MED13L: variants seen among roughly 807,000 people sequenced by gnomAD.
MED13L encodes mediator of RNA polymerase II transcription subunit 13-like.
MED13L carries 7 observed loss-of-function variants against 220.9 expected under a neutral mutation model. The observed-to-expected ratio is 0.03, with a 90% CI of 0.02 to 0.06. The LOEUF is 0.06. MED13L is among the 10% of genes least tolerant of loss of function. The pLI, the probability that MED13L is intolerant of heterozygous loss-of-function variation, is 1.00. For synonymous variants in MED13L, 1,011 were observed against 1,015.2 expected, an observed-to-expected ratio of 1.00 and a Z score of 0.08; for missense variants, 1,965 against 2,760.5, an observed-to-expected ratio of 0.71 and a Z score of 6.46.
intron 1 of MED13L, chr12:116,276,299 T>G: frequency 6.5e-6 from 3 of 460,142 alleles, no homozygotes; most frequent in South Asian, 2.5e-5. Flanking sequence ...ACCGACCAGC[T>G]TGTTGCTTTT....
intron 2 of MED13L, among the ~76,000 whole-genome samples, chr12:116,164,394 A>T (rs1246029408): frequency 6.6e-6 from 1 of 152,220 alleles, no homozygotes; most frequent in Non-Finnish European, 1.5e-5. Context: ...ACCAACAACA[A>T]AAAAGGAGAC....
At position 116,276,538 on chromosome 12, in the gene MED13L, T is replaced by C. The variant is rs1873853349; in HGVS notation, c.72+522A>G. On this transcript the variant is annotated intron_variant, in intron 1 of 30. Coordinates refer to ENST00000281928, the MANE Select transcript of MED13L (RefSeq NM_015335.5). Reference sequence around the variant, plus strand: ...GCGGGAGCTTCGGGTGCAAGAGTCCTTTCCTGACACAATCGCATTCAATCA... The same window carrying C: ...GCGGGAGCTTCGGGTGCAAGAGTCCCTTCCTGACACAATCGCATTCAATCA... 3.1e-6 allele frequency: 4 copies of C among 1,269,870 alleles called. No individual in the cohort carries two copies. In the Admixed American group the frequency reaches 1.1e-4, roughly 34 times the overall value. 78.7% of individuals were successfully genotyped at this position (1,269,870 alleles called of 1,614,324 possible). A position where few individuals can be genotyped will look rare whatever the true frequency, so the allele number is the denominator to read the frequency against.
chr12:115,963,834 T>C (rs1223955964), intron 29 of MED13L, among the ~76,000 whole-genome samples: 1 of 152,216 alleles, frequency 6.6e-6, no homozygotes, highest in Non-Finnish European at 1.5e-5. Context: ...TGAATTGATA[T>C]CGCCAAGATG....
intron 4 of MED13L, among the ~76,000 whole-genome samples, chr12:116,074,168 G>A (rs1402198573): frequency 3.3e-5 from 5 of 152,246 alleles, no homozygotes; most frequent in Non-Finnish European, 7.3e-5. Flanking sequence ...ACCAAGGCAA[G>A]TGGATCAGGA....
In MED13L at chr12:115,978,277, T is replaced by C. The variant is rs537571647; in HGVS notation, c.5364+2473A>G. 7.2e-5 allele frequency among the ~76,000 whole-genome samples: 11 copies of C among 151,996 alleles called. No homozygotes were observed. The East Asian group carries it at 1.9e-3, about 27-fold the overall frequency. The stretch of plus-strand genomic sequence containing the variant: ...TAAAATTAGATAGTAGTGAAGACTG[T>C]ACAACTGTGTGGAAATACTAAAAAC... On this transcript the variant is annotated intron_variant, in intron 23 of 30. Coordinates refer to ENST00000281928, the MANE Select transcript of MED13L (RefSeq NM_015335.5).
chr12:116,105,787 A>T (rs1010581295), intron 3 of MED13L, among the ~76,000 whole-genome samples: 3 of 152,182 alleles, frequency 2.0e-5, no homozygotes, highest in Admixed American at 1.3e-4. Flanking sequence ...TATATAAATA[A>T]ATGCTATCCC....
intron 2 of MED13L, among the ~76,000 whole-genome samples, chr12:116,151,379 C>T (rs1008374537): frequency 6.6e-6 from 1 of 152,082 alleles, no homozygotes; most frequent in Non-Finnish European, 1.5e-5. Flanking sequence ...CAAATTGCCT[C>T]CTCAATGAAA....
intron 2 of MED13L, among the ~76,000 whole-genome samples, chr12:116,192,824 A>G (rs944386720): frequency 3.3e-5 from 5 of 152,202 alleles, no homozygotes; most frequent in Non-Finnish European, 7.3e-5. Flanking sequence ...CTGTCTCTAC[A>G]AAAAATTTAC....
intron 3 of MED13L, among the ~76,000 whole-genome samples, chr12:116,105,299 G>A (rs1468204792): frequency 6.6e-6 from 1 of 152,128 alleles, no homozygotes; most frequent in East Asian, 1.9e-4. Flanking sequence ...CTCAACTGGT[G>A]CATTATTAGA....
At chr12:116,215,252 G>A (rs763953207) in intron 2 of MED13L, among the ~76,000 whole-genome samples, 3 of 152,126 alleles carry the variant, frequency 2.0e-5, no homozygotes, top group Non-Finnish European at 4.4e-5. Context: ...TCCTCTAAGT[G>A]AACATTCTTT....
At chr12:115,999,372 AAG>A (rs1878602886) in intron 14 of MED13L, among the ~76,000 whole-genome samples, 1 of 152,062 alleles carries the variant, frequency 6.6e-6, no homozygotes, top group Admixed American at 6.6e-5. Context: ...GCCTCGGTGA[AAG>A]AGAAAGACTC....
rs1005449097 is a variant in MED13L at position 115,999,390 on chromosome 12, CA to C, written c.2570-2161del. 1.2e-3 allele frequency among the ~76,000 whole-genome samples: 163 copies of C among 138,586 alleles called. 1 individual carries two copies. The highest frequency in any genetic ancestry group is 9.4e-4 in the Non-Finnish European group (60 of 63,508). 90.9% of individuals were successfully genotyped at this position (138,586 alleles called of 152,430 possible). On this transcript the variant is annotated intron_variant, in intron 14 of 30. Transcript: ENST00000281928. ...TCGGTGAAAGAGAAAGACTCTGTCT[CA>C]AAAAAAAAAAAAGTTCATCTACGCT... is the stretch of plus-strand genomic sequence containing the variant.
At chr12:116,113,761 A>AG (rs1328820003) in intron 2 of MED13L, among the ~76,000 whole-genome samples, 1 of 72,084 alleles carries the variant, frequency 1.4e-5, no homozygotes. Context: ...AAGGGGAGGG[A>AG]GGGGTAAGAG....
intron 4 of MED13L, among the ~76,000 whole-genome samples, chr12:116,034,869 G>A (rs574232618): frequency 6.4e-4 from 97 of 152,270 alleles, no homozygotes; most frequent in Non-Finnish European, 1.3e-3. Flanking sequence ...AGCCAGGCGT[G>A]GTGGCACAGG....
In MED13L at chr12:115,960,960, C is replaced by T. The variant is rs1875718995; in HGVS notation, c.*306G>A. 2.4e-6 allele frequency: 1 copy of T among 414,532 alleles called. No homozygotes were observed. Among genetic ancestry groups the T allele is most frequent in the East Asian group, 5.3e-5 (1 of 18,724 alleles). The allele number at this position is 414,532 out of a possible 1,614,324, so 25.7% of individuals were successfully genotyped here. On this transcript the variant is annotated 3_prime_UTR_variant, in exon 31 of 31. Transcript: ENST00000281928. The stretch of plus-strand genomic sequence containing the variant: ...CAAAAGGACACTGTCTCTTCTGTTT[C>T]CCGCTGAAAAGCCATCAACCACCAC...
chr12:116,193,215 G>A (rs1186269255), intron 2 of MED13L, among the ~76,000 whole-genome samples: 2 of 152,142 alleles, frequency 1.3e-5, no homozygotes, highest in African/African-American at 4.8e-5. Context: ...GGAGGCTGAA[G>A]TGGGAGGATG....
chr12:116,019,429 C>T lies in MED13L; in HGVS notation c.821-17G>A. The stretch of plus-strand genomic sequence containing the variant: ...GAACACCACCTATAAGCAAAGAGAA[C>T]AAGGAAAGAATCAGGACTGAGAAAG... On this transcript the variant is annotated splice_polypyrimidine_tract_variant and intron_variant, in intron 6 of 30. Coordinates refer to ENST00000281928, the MANE Select transcript of MED13L (RefSeq NM_015335.5). The T allele has an allele frequency of 6.2e-7, 1 of 1,612,496 alleles. No individual in the cohort carries two copies. Among genetic ancestry groups the T allele is most frequent in the Non-Finnish European group, 8.5e-7 (1 of 1,178,670 alleles).
chr12:115,999,718 A>G (rs955480525), intron 14 of MED13L, among the ~76,000 whole-genome samples: 1 of 152,094 alleles, frequency 6.6e-6, no homozygotes, highest in Non-Finnish European at 1.5e-5. Context: ...TTGTTTTTAC[A>G]TTTCCTGTAA....
At chr12:116,225,393 A>T (rs1868874734) in intron 2 of MED13L, among the ~76,000 whole-genome samples, 2 of 152,168 alleles carry the variant, frequency 1.3e-5, no homozygotes, top group Non-Finnish European at 2.9e-5. Context: ...CTGCTACCCA[A>T]ATCAAGAGCC....
Sources: allele counts gnomAD v4.1 joint callset (sites outside exome capture counted in the v4.1 genomes callset), GRCh38; gene constraint gnomAD v4.1.1; transcripts MANE v1.5; gene names NCBI Gene and HGNC (gene_info 2026-07-23, HGNC 2026-07-21).